COL19A1: variants seen among roughly 807,000 people sequenced by gnomAD.
The protein encoded by COL19A1 is collagen type XIX alpha 1 chain, also known as collagen alpha-1(XIX) chain.
A neutral mutation model predicts 190.2 loss-of-function variants in COL19A1; 159 were observed. The observed-to-expected ratio is 0.84, with a 90% CI of 0.73 to 0.95. COL19A1 has a LOEUF of 0.95. Ranked by LOEUF, COL19A1 falls within the 40% of genes least tolerant of loss-of-function variation. The pLI, the probability that COL19A1 is intolerant of heterozygous loss-of-function variation, is 0.00. For synonymous variants in COL19A1, 509 were observed against 458.9 expected (o/e 1.11, Z -1.39); for missense variants, 1,418 against 1,431.9 (o/e 0.99, Z 0.16).
In COL19A1 at chr6:70,075,366, G is replaced by A. The variant is rs574128978; in HGVS notation, c.1224+6890G>A. Among the ~76,000 whole-genome samples the A allele has an allele frequency of 7.2e-5, 11 of 152,284 alleles. No homozygotes were observed. The South Asian group carries it at 2.1e-3, about 29-fold the overall frequency. On this transcript the variant is annotated intron_variant, in intron 15 of 50. Transcript: ENST00000620364. ...CAGAGCTCCATGGTGGACTTTGGCC[G>A]CTTGGTGTCTCCTAAAATTGGATCA...
chr6:70,054,928 G>A (rs1780407839), intron 14 of COL19A1, among the ~76,000 whole-genome samples: 2 of 152,088 alleles, frequency 1.3e-5, no homozygotes, highest in African/African-American at 4.8e-5. Context: ...ATATTTTACT[G>A]CATGAGCAAA....
At chr6:70,123,984 T>TAA (rs201155519) in intron 17 of COL19A1, among the ~76,000 whole-genome samples, 1 of 138,262 alleles carries the variant, frequency 7.2e-6, no homozygotes. Context: ...AAAAAAAAAC[T>TAA]AAAAAAAAAA....
chr6:69,881,142 C>T lies in COL19A1; in HGVS notation c.91+1484C>T, dbSNP rs138193987. Among the ~76,000 whole-genome samples the T allele has an allele frequency of 6.9e-4, 105 of 152,248 alleles. 2 individuals carry two copies. In the East Asian group the frequency reaches 0.018, roughly 26 times the overall value. On this transcript the variant is annotated intron_variant, in intron 2 of 50. Coordinates refer to ENST00000620364, the MANE Select transcript of COL19A1 (RefSeq NM_001858.6). ...GCATATTCCCATTTTGCAGGTCGTA[C>T]TGGGGTGGGATTTGGTAATTTACAT...
At chr6:69,982,341 A>G (rs1426821964) in intron 11 of COL19A1, among the ~76,000 whole-genome samples, 2 of 151,620 alleles carry the variant, frequency 1.3e-5, no homozygotes, top group Non-Finnish European at 2.9e-5. Context: ...TCCCAGGTCA[A>G]GCGATTTTCC....
intron 5 of COL19A1, among the ~76,000 whole-genome samples, chr6:69,928,539 A>G (rs1772542395): frequency 6.6e-6 from 1 of 152,202 alleles, no homozygotes; most frequent in Admixed American, 6.5e-5. Flanking sequence ...AATTTGTATT[A>G]TCAGGGAGCA....
intron 35 of COL19A1, among the ~76,000 whole-genome samples, 192 bp downstream of exon 35, chr6:70,162,145 G>A (rs1787848700): frequency 6.6e-6 from 1 of 152,098 alleles, no homozygotes; most frequent in South Asian, 2.1e-4. Context: ...AGTGTCCTGG[G>A]GACTTGCCTC....
In COL19A1 at chr6:70,047,129, A is replaced by T. The variant is rs568352458; in HGVS notation, c.1170+11190A>T. 3.3e-5 allele frequency among the ~76,000 whole-genome samples: 5 copies of T among 152,238 alleles called. No homozygotes were observed. The South Asian group carries it at 1.0e-3, about 32-fold the overall frequency. On this transcript the variant is annotated intron_variant, in intron 14 of 50. Coordinates refer to ENST00000620364, the MANE Select transcript of COL19A1 (RefSeq NM_001858.6). Reference sequence around the variant, plus strand: ...GGCACTTTTGAATAACCTGTTAAAGAATAAAAATTCCTTTTCTAAATTATT... The same window carrying T: ...GGCACTTTTGAATAACCTGTTAAAGTATAAAAATTCCTTTTCTAAATTATT...
chr6:70,165,246 G>A (rs1250401681), intron 36 of COL19A1, among the ~76,000 whole-genome samples: 1 of 152,172 alleles, frequency 6.6e-6, no homozygotes, highest in Non-Finnish European at 1.5e-5. Flanking sequence ...AAAAATAGAA[G>A]TGAAATACAT....
At chr6:70,112,436 AGAGAT>A (rs767552959) in intron 16 of COL19A1, among the ~76,000 whole-genome samples, 102 of 152,224 alleles carry the variant, frequency 6.7e-4, no homozygotes, top group South Asian at 1.2e-3. Context: ...CATACTGGGG[AGAGAT>A]GAGTATGAAA....
chr6:69,995,045 C>T (rs1341719551), intron 11 of COL19A1, among the ~76,000 whole-genome samples: 3 of 152,146 alleles, frequency 2.0e-5, no homozygotes, highest in African/African-American at 7.2e-5. Context: ...CTCACATACA[C>T]ACTCTCTCTT....
intron 30 of COL19A1, 21 bp from the exon 31 acceptor site, chr6:70,151,376 G>A (rs1248386546): frequency 2.5e-6 from 4 of 1,611,428 alleles, no homozygotes; most frequent in South Asian, 2.2e-5. Context: ...CATGTATTTG[G>A]TTTTATCTTC....
At chr6:70,196,795 T>G (rs1583147174) in intron 48 of COL19A1, among the ~76,000 whole-genome samples, 1 of 152,146 alleles carries the variant, frequency 6.6e-6, no homozygotes, top group East Asian at 1.9e-4. Flanking sequence ...TTTAATTGAC[T>G]GAAGATCCCT....
intron 17 of COL19A1, among the ~76,000 whole-genome samples, chr6:70,128,865 G>T (rs1785351211): frequency 6.6e-6 from 1 of 152,150 alleles, no homozygotes. Context: ...TTACAACTTG[G>T]CACAAGGCTG....
intron 11 of COL19A1, among the ~76,000 whole-genome samples, chr6:69,982,818 A>G (rs1336767431): frequency 6.6e-6 from 1 of 150,762 alleles, no homozygotes; most frequent in Non-Finnish European, 1.5e-5. Flanking sequence ...TAAAAATACA[A>G]AAAATTAGCC....
intron 15 of COL19A1, among the ~76,000 whole-genome samples, chr6:70,099,407 C>A (rs1401868225): frequency 6.6e-6 from 1 of 152,070 alleles, no homozygotes; most frequent in Non-Finnish European, 1.5e-5. Flanking sequence ...TTGTTTTATG[C>A]ACAAAATTAT....
chr6:69,868,126 A>G (rs368339504), intron 1 of COL19A1, among the ~76,000 whole-genome samples: 12 of 151,756 alleles, frequency 7.9e-5, no homozygotes, highest in African/African-American at 2.9e-4. Flanking sequence ...ACCCCTCCCC[A>G]AAAAGGAGAG....
At chr6:70,068,192 A>C (rs958357885) in intron 14 of COL19A1, among the ~76,000 whole-genome samples, 1 of 151,964 alleles carries the variant, frequency 6.6e-6, no homozygotes, top group Non-Finnish European at 1.5e-5. Context: ...ATTTGGTCTC[A>C]CACCTGGTGT....
At chr6:69,915,037 A>G (rs1261459827) in intron 4 of COL19A1, among the ~76,000 whole-genome samples, 1 of 152,164 alleles carries the variant, frequency 6.6e-6, no homozygotes, top group African/African-American at 2.4e-5. Context: ...CTTGTTCTGT[A>G]GCTTGGTTTA....
At chr6:70,043,853 C>T (rs1236410757) in intron 14 of COL19A1, among the ~76,000 whole-genome samples, 1 of 152,166 alleles carries the variant, frequency 6.6e-6, no homozygotes, top group African/African-American at 2.4e-5. Flanking sequence ...AAGTCACAAA[C>T]TGTATTATCC....
Sources: gnomAD v4.1 joint callset for allele counts (sites outside exome capture counted in the v4.1 genomes callset) on GRCh38, gnomAD v4.1.1 for gene constraint, MANE v1.5 for transcripts, NCBI Gene and HGNC (gene_info 2026-07-23, HGNC 2026-07-21) for gene names.